Variants in SOD1 observed in about 807,000 individuals in gnomAD.
The protein encoded by SOD1 is superoxide dismutase [Cu-Zn].
A neutral mutation model predicts 15.9 loss-of-function variants in SOD1; 8 were observed. The observed-to-expected ratio is 0.50, with a 90% confidence interval of 0.30 to 0.91. The LOEUF (loss-of-function observed/expected upper bound fraction) is 0.91. SOD1 is among the 40% of genes least tolerant of loss of function. SOD1 has a pLI of 0.07. For synonymous variants in SOD1, 86 were observed against 71.2 expected (o/e 1.21, Z -1.04); for missense variants, 137 against 194.5 (o/e 0.70, Z 1.76).
intron 3 of SOD1, 77 bp downstream of exon 3, chr21:31,666,595 G>T: frequency 1.8e-6 from 2 of 1,085,158 alleles, no homozygotes; most frequent in Non-Finnish European, 2.8e-6. Context: ...GTAAATATGT[G>T]CTAAGATAAT....
At chr21:31,659,950 C>T in intron 1 of SOD1, 109 bp downstream of exon 1, 1 of 1,124,020 alleles carries the variant, frequency 8.9e-7, no homozygotes, top group Non-Finnish European at 1.3e-6. Flanking sequence ...CCGCCCTGGT[C>T]CAGCGCCCGG....
chr21:31,660,739 A>T (rs533038070), intron 1 of SOD1: 4 of 152,306 alleles, frequency 2.6e-5, no homozygotes, highest in African/African-American at 9.6e-5. Flanking sequence ...AAAGTTTCCA[A>T]AAGTGATTTT....
At chr21:31,666,620 A>G in intron 3 of SOD1, 102 bp downstream of exon 3, 1 of 943,628 alleles carries the variant, frequency 1.1e-6, no homozygotes. Flanking sequence ...TGTTTCCCCC[A>G]CCTTTGCTTT....
intron 2 of SOD1, among the ~76,000 whole-genome samples, chr21:31,665,157 T>C (rs1361452848): frequency 6.6e-6 from 1 of 152,106 alleles, no homozygotes; most frequent in African/African-American, 2.4e-5. Context: ...CTTTGGAATA[T>C]GCTTAAAAAA....
At chr21:31,666,622 CT>C in intron 3 of SOD1, 104 bp downstream of exon 3, 1 of 936,700 alleles carries the variant, frequency 1.1e-6, no homozygotes, top group Non-Finnish European at 1.7e-6. Context: ...TTTCCCCCAC[CT>C]TTGCTTTTGA....
chr21:31,662,153 T>C (rs1180900291), intron 1 of SOD1, among the ~76,000 whole-genome samples: 1 of 152,234 alleles, frequency 6.6e-6, no homozygotes, highest in Non-Finnish European at 1.5e-5. Context: ...ATGTCCTGAA[T>C]GTATTACCGG....
intron 1 of SOD1, chr21:31,661,486 C>G (rs952480852): frequency 3.3e-5 from 5 of 152,610 alleles, no homozygotes; most frequent in Admixed American, 2.6e-4. Context: ...GCCTCAGCCT[C>G]CCGGGTAGCT....
chr21:31,661,880 A>G (rs538127098), intron 1 of SOD1: 1 of 152,364 alleles, frequency 6.6e-6, no homozygotes, highest in African/African-American at 2.4e-5. Flanking sequence ...TACATTGGCT[A>G]TCAGCTACTT....
At chr21:31,659,967 C>A (rs2123428278) in intron 1 of SOD1, 126 bp downstream of exon 1, 2 of 849,844 alleles carry the variant, frequency 2.4e-6, no homozygotes, top group African/African-American at 1.8e-5. Context: ...CCGGTCCCGG[C>A]CCGTGCCGCC....
At chr21:31,660,352 T>G (rs1047495380) in intron 1 of SOD1, 1 of 152,300 alleles carries the variant, frequency 6.6e-6, no homozygotes, top group African/African-American at 2.4e-5. Flanking sequence ...GCGCTCTAGG[T>G]CAGGGAGTCT....
Position 31,668,756 on chromosome 21 carries a change from G to C in SOD1, c.*178G>C, listed in dbSNP as rs1247890559. On this transcript the variant is annotated 3_prime_UTR_variant, in exon 5 of 5. Coordinates refer to ENST00000270142, the MANE Select transcript of SOD1 (RefSeq NM_000454.5). ...TGATTTATGATCACTTGGAAGATTT[G>C]TATAGTTTTATAAAACTCAGTTAAA... 14 of 610,382 alleles carry C rather than the reference G, an allele frequency of 2.3e-5. No individual in the cohort carries two copies. Among genetic ancestry groups the C allele is most frequent in the Middle Eastern group, 5.7e-4 (2 of 3,506 alleles). 37.8% of individuals were successfully genotyped at this position (610,382 alleles called of 1,614,324 possible).
At chr21:31,660,784 G>A (rs2049542342) in intron 1 of SOD1, 1 of 152,240 alleles carries the variant, frequency 6.6e-6, no homozygotes. Context: ...GTCGTTTGAG[G>A]ACAGTGGGTG....
chr21:31,662,765 A>G (rs2049558834), intron 1 of SOD1, among the ~76,000 whole-genome samples: 1 of 152,214 alleles, frequency 6.6e-6, no homozygotes, highest in Non-Finnish European at 1.5e-5. Context: ...CTGTAATCCC[A>G]GCACTTTGGG....
intron 2 of SOD1, 108 bp from the exon 3 acceptor site, chr21:31,666,341 T>C (rs371317857): frequency 5.0e-6 from 4 of 794,020 alleles, no homozygotes; most frequent in Non-Finnish European, 8.5e-6. Flanking sequence ...GAAGTCGTGA[T>C]GCAGGTCAGC....
chr21:31,661,677 A>G, intron 1 of SOD1: 1 of 152,458 alleles, frequency 6.6e-6, no homozygotes, highest in African/African-American at 2.4e-5. Flanking sequence ...TGCTATTCTT[A>G]AGACGCCTCT....
intron 1 of SOD1, chr21:31,660,097 G>T (rs1043343548): frequency 1.1e-5 from 2 of 187,578 alleles, no homozygotes. Flanking sequence ...GCGGGAGCGC[G>T]GGGAGGGATT....
chr21:31,659,978 C>T, intron 1 of SOD1, 137 bp downstream of exon 1: 3 of 747,890 alleles, frequency 4.0e-6, no homozygotes, highest in Non-Finnish European at 6.2e-6. Flanking sequence ...CCGTGCCGCC[C>T]GGTCGGTGCC....
At chr21:31,660,173 G>A (rs1329046524) in intron 1 of SOD1, 1 of 154,730 alleles carries the variant, frequency 6.5e-6, no homozygotes. Flanking sequence ...CGCCGCCGCG[G>A]GTCTGTCGTG....
chr21:31,662,534 G>A (rs1385890577), intron 1 of SOD1, among the ~76,000 whole-genome samples: 1 of 152,098 alleles, frequency 6.6e-6, no homozygotes, highest in Non-Finnish European at 1.5e-5. Context: ...ATGTAGCCAC[G>A]GAGCACCATT....
Sources: gnomAD v4.1 joint callset for allele counts (sites outside exome capture counted in the v4.1 genomes callset) on GRCh38, gnomAD v4.1.1 for gene constraint, MANE v1.5 for transcripts, NCBI Gene and HGNC (gene_info 2026-07-23, HGNC 2026-07-21) for gene names.